Variants in DGKB observed in about 807,000 individuals in gnomAD.
DGKB encodes the protein diacylglycerol kinase beta.
DGKB carries 67 observed loss-of-function variants against 114.3 expected under a neutral mutation model. That is an observed-to-expected ratio of 0.59 (90% confidence interval 0.48 to 0.72). The LOEUF (loss-of-function observed/expected upper bound fraction) is 0.72, where lower values mean the gene tolerates loss of function less well. DGKB is among the 30% of genes least tolerant of loss of function. The probability of loss-of-function intolerance (pLI) is 0.00; values close to 1 mark genes in which losing one functional copy is unlikely to be tolerated. For missense variants in DGKB, 907 were observed against 975.2 expected, an observed-to-expected ratio of 0.93 and a Z score of 0.93; for synonymous variants, 398 against 323.1, an observed-to-expected ratio of 1.23 and a Z score of -2.49.
rs184651811 is a variant in DGKB at position 14,504,994 on chromosome 7, G to T, written c.1771-26769C>A. 9.2e-5 allele frequency among the ~76,000 whole-genome samples: 14 copies of T among 152,280 alleles called. No homozygotes were observed. In the East Asian group the frequency reaches 2.1e-3, roughly 23 times the overall value. On this transcript the variant is annotated intron_variant, in intron 20 of 25. Coordinates refer to ENST00000402815, the MANE Select transcript of DGKB (RefSeq NM_001350709.2). ...CAAGAGCCAGAAATCAACACCTGTT[G>T]GGTCAGAAGTGAAGAATAAGCCTTC... is the stretch of plus-strand genomic sequence containing the variant.
At chr7:14,220,402 G>T (rs1789744931) in intron 23 of DGKB, among the ~76,000 whole-genome samples, 1 of 151,178 alleles carries the variant, frequency 6.6e-6, no homozygotes, top group Non-Finnish European at 1.5e-5. Context: ...AAATGGTCTT[G>T]GCACTCTTAT....
At chr7:14,950,102 T>C (rs1432946859) in intron 1 of DGKB, among the ~76,000 whole-genome samples, 1 of 137,492 alleles carries the variant, frequency 7.3e-6, no homozygotes, top group Non-Finnish European at 1.5e-5. Flanking sequence ...AAAAGTATAA[T>C]AATAAAAAAA....
intron 23 of DGKB, among the ~76,000 whole-genome samples, chr7:14,332,530 C>T (rs1319731464): frequency 1.3e-5 from 2 of 152,208 alleles, no homozygotes; most frequent in East Asian, 1.9e-4. Flanking sequence ...ATTTTGGCAA[C>T]ATCTAAGTAT....
At chr7:14,191,133 G>A in intron 23 of DGKB, 1 of 172,434 alleles carries the variant, frequency 5.8e-6, no homozygotes, top group Non-Finnish European at 1.3e-5. Flanking sequence ...TGACTGTGAT[G>A]TCCTGATTGT....
At chr7:14,362,756 G>A (rs1381935084) in intron 21 of DGKB, among the ~76,000 whole-genome samples, 2 of 151,924 alleles carry the variant, frequency 1.3e-5, no homozygotes, top group Non-Finnish European at 2.9e-5. Context: ...ATTTTGTATT[G>A]TATTACATGC....
chr7:14,570,332 C>T (rs1798192304), intron 20 of DGKB, among the ~76,000 whole-genome samples: 1 of 151,794 alleles, frequency 6.6e-6, no homozygotes, highest in Non-Finnish European at 1.5e-5. Context: ...CTTTCCTTTT[C>T]AAGTTTTTTG....
chr7:14,472,626 T>C (rs1027895397), intron 21 of DGKB, among the ~76,000 whole-genome samples: 18 of 152,148 alleles, frequency 1.2e-4, no homozygotes, highest in African/African-American at 4.1e-4. Flanking sequence ...TGGAACACTT[T>C]GGAGGACTCA....
At chr7:14,594,512 A>T (rs1277083136) in intron 17 of DGKB, among the ~76,000 whole-genome samples, 1 of 152,072 alleles carries the variant, frequency 6.6e-6, no homozygotes, top group East Asian at 1.9e-4. Context: ...TGATATTTGA[A>T]AGAAGTTAAA....
At chr7:14,174,348 T>C (rs1289086555) in intron 25 of DGKB, among the ~76,000 whole-genome samples, 1 of 152,218 alleles carries the variant, frequency 6.6e-6, no homozygotes, top group Admixed American at 6.5e-5. Flanking sequence ...CATATAATTT[T>C]TGTGAGAATT....
chr7:14,833,634 T>C (rs1846734115), intron 2 of DGKB, among the ~76,000 whole-genome samples: 1 of 152,134 alleles, frequency 6.6e-6, no homozygotes, highest in Non-Finnish European at 1.5e-5. Flanking sequence ...TTTGTGACTA[T>C]TGCTAAATTC....
rs188421918 is a variant in DGKB, at chr7:14,542,006, C to G, written c.1770+32206G>C. On this transcript the variant is annotated intron_variant, in intron 20 of 25. Coordinates refer to ENST00000402815, the MANE Select transcript of DGKB (RefSeq NM_001350709.2). ...TAGACTCCATACTTGTTATTGGCCT[C>G]CCTGCCTTCATTTTTGTCAAATGTA... Among the ~76,000 whole-genome samples, 529 of 152,206 alleles carry G rather than the reference C, an allele frequency of 3.5e-3. 3 individuals carry two copies. Among genetic ancestry groups the G allele is most frequent in the African/African-American group, 0.012 (491 of 41,528 alleles).
At chr7:14,259,407 CTATATATA>C (rs71975347) in intron 23 of DGKB, among the ~76,000 whole-genome samples, 37 of 108,206 alleles carry the variant, frequency 3.4e-4, no homozygotes, top group African/African-American at 5.8e-4. Flanking sequence ...CTCTCTCTCT[CTATATATA>C]TATATATATA....
chr7:14,674,066 G>A (rs540814956), intron 12 of DGKB, among the ~76,000 whole-genome samples: 1 of 152,154 alleles, frequency 6.6e-6, no homozygotes, highest in Non-Finnish European at 1.5e-5. Context: ...TTTATTTTTA[G>A]TAATAGAACA....
At chr7:14,630,458 AAC>A (rs373057096) in intron 13 of DGKB, among the ~76,000 whole-genome samples, 190 bp from the exon 14 acceptor site, 34 of 152,106 alleles carry the variant, frequency 2.2e-4, no homozygotes, top group African/African-American at 8.0e-4. Context: ...GAAATTATCT[AAC>A]ACAGAGTGGG....
chr7:14,879,204 T>C (rs1018988450), intron 1 of DGKB, among the ~76,000 whole-genome samples: 2 of 151,944 alleles, frequency 1.3e-5, no homozygotes, highest in South Asian at 4.1e-4. Flanking sequence ...TAATCTACTT[T>C]AGTGTATTTC....
In DGKB at chr7:14,148,480, TAAAA is replaced by T. The variant is rs1287996202; in HGVS notation, c.*647_*650del. 1 of 152,636 alleles carries T rather than the reference TAAAA, an allele frequency of 6.6e-6. No individual in the cohort carries two copies. Among genetic ancestry groups the T allele is most frequent in the Non-Finnish European group, 1.5e-5 (1 of 68,056 alleles). The allele number at this position is 152,636 out of a possible 1,614,324, so 9.5% of individuals were successfully genotyped here. On this transcript the variant is annotated 3_prime_UTR_variant, in exon 26 of 26. Coordinates refer to ENST00000402815, the MANE Select transcript of DGKB (RefSeq NM_001350709.2). ...ACATGTTTTCACTTATTTCTGGAAT[TAAAA>T]AGAAAACTAAGCAAAATAAAAACCG...
At position 14,193,257 on chromosome 7, in the gene DGKB, A is replaced by G. The variant is rs1208540013; in HGVS notation, c.2123-15106T>C. Among the ~76,000 whole-genome samples, 5 of 152,316 alleles carry G rather than the reference A, an allele frequency of 3.3e-5. No individual in the cohort carries two copies. The East Asian group carries it at 9.7e-4, about 29-fold the overall frequency. ...CAAAGACATACTGAGCAAAAAGAAC[A>G]AAGTGGAAGGGATCACACCACCTGA... On this transcript the variant is annotated intron_variant, in intron 23 of 25. Transcript: ENST00000402815.
At chr7:14,427,775 C>A (rs867155178) in intron 21 of DGKB, among the ~76,000 whole-genome samples, 1 of 152,204 alleles carries the variant, frequency 6.6e-6, no homozygotes, top group Middle Eastern at 3.4e-3. Flanking sequence ...CAGGAAAGAA[C>A]TGCCCCCATG....
chr7:14,402,399 T>G (rs192371684), intron 21 of DGKB, among the ~76,000 whole-genome samples: 436 of 151,920 alleles, frequency 2.9e-3, no homozygotes, highest in African/African-American at 8.5e-3. Flanking sequence ...AACATTGCTT[T>G]TGCTTTTTTT....
Sources: allele counts gnomAD v4.1 joint callset (sites outside exome capture counted in the v4.1 genomes callset), GRCh38; gene constraint gnomAD v4.1.1; transcripts MANE v1.5; gene names NCBI Gene and HGNC (gene_info 2026-07-23, HGNC 2026-07-21).